The following XIRP2 variants were observed in gnomAD, a reference collection of about 807,000 sequenced individuals.
XIRP2 encodes xin actin binding repeat containing 2.
Under a neutral mutation model 277.0 loss-of-function variants are expected in XIRP2, and 236 were observed. The observed-to-expected ratio is 0.85, with a 90% confidence interval of 0.77 to 0.95. The LOEUF (loss-of-function observed/expected upper bound fraction) is 0.95, where lower values mean the gene tolerates loss of function less well. XIRP2 is among the 40% of genes least tolerant of loss of function. XIRP2 has a pLI of 0.00. For synonymous variants in XIRP2, 1,490 were observed against 1,416.5 expected (o/e 1.05, Z -1.17); for missense variants, 4,640 against 4,157.5 (o/e 1.12, Z -3.19).
Position 166,910,203 on chromosome 2 carries a change from G to T in XIRP2, c.408+6313G>T, listed in dbSNP as rs565285614. ...GAAGGAATGGTACCAGCTTCTCCTT[G>T]TACCTCTGGTAGAATTCAGCTGTGA... On this transcript the variant is annotated intron_variant, in intron 2 of 10. Transcript: ENST00000409195. Among the ~76,000 whole-genome samples, 6 of 152,266 alleles carry T rather than the reference G, an allele frequency of 3.9e-5. No homozygotes were observed. The East Asian group carries it at 9.6e-4, about 24-fold the overall frequency.
intron 2 of XIRP2, among the ~76,000 whole-genome samples, chr2:167,063,963 A>G (rs1240636944): frequency 2.0e-5 from 3 of 151,704 alleles, no homozygotes; most frequent in Non-Finnish European, 4.4e-5. Flanking sequence ...TTAGTGTACT[A>G]TCAATGATTA....
chr2:167,231,157 C>G (rs1694737745), intron 5 of XIRP2, among the ~76,000 whole-genome samples: 1 of 151,974 alleles, frequency 6.6e-6, no homozygotes, highest in South Asian at 2.1e-4. Context: ...CAAGCCAGAT[C>G]TGTTTTATTA....
At chr2:167,061,647 C>A (rs1459516324) in intron 2 of XIRP2, among the ~76,000 whole-genome samples, 2 of 151,792 alleles carry the variant, frequency 1.3e-5, no homozygotes, top group East Asian at 1.9e-4. Flanking sequence ...TTAGAGTAGA[C>A]CTTATTACAA....
At chr2:166,912,705 T>A (rs1371936043) in intron 2 of XIRP2, among the ~76,000 whole-genome samples, 1 of 152,212 alleles carries the variant, frequency 6.6e-6, no homozygotes, top group African/African-American at 2.4e-5. Flanking sequence ...AATTTTCAGC[T>A]TTTCTGCTGT....
chr2:167,253,381 A>G (rs1695569680), intron 9 of XIRP2, among the ~76,000 whole-genome samples: 1 of 151,288 alleles, frequency 6.6e-6, no homozygotes. Flanking sequence ...AAAAAGCTCC[A>G]CAATCTAAAG....
At chr2:166,949,013 T>TC (rs1008192355) in intron 2 of XIRP2, among the ~76,000 whole-genome samples, 19 of 151,966 alleles carry the variant, frequency 1.3e-4, no homozygotes, top group African/African-American at 4.1e-4. Flanking sequence ...GTGTTTTTTT[T>TC]CTCTCTAAAT....
intron 3 of XIRP2, among the ~76,000 whole-genome samples, chr2:167,189,874 C>A (rs1442277271): frequency 6.6e-6 from 1 of 152,168 alleles, no homozygotes; most frequent in Non-Finnish European, 1.5e-5. Context: ...ATGAGGCTGT[C>A]CACTTCACAA....
At chr2:167,028,403 A>T (rs1688234245) in intron 2 of XIRP2, among the ~76,000 whole-genome samples, 1 of 152,030 alleles carries the variant, frequency 6.6e-6, no homozygotes, top group Admixed American at 6.6e-5. Context: ...GAAGAGAGCA[A>T]AAGTGTCTGC....
At chr2:167,117,173 G>A (rs1321698279) in intron 2 of XIRP2, among the ~76,000 whole-genome samples, 1 of 151,856 alleles carries the variant, frequency 6.6e-6, no homozygotes, top group Non-Finnish European at 1.5e-5. Flanking sequence ...TTTGGAAATG[G>A]CAGATAACTA....
rs142152123 is a variant in XIRP2, at chr2:167,230,325, T to A, written c.859-9530T>A. Among the ~76,000 whole-genome samples, 239 of 152,198 alleles carry A rather than the reference T, an allele frequency of 1.6e-3. 4 individuals carry two copies. In the East Asian group the frequency reaches 0.021, roughly 13 times the overall value. On this transcript the variant is annotated intron_variant, in intron 5 of 10. Transcript: ENST00000409195. The stretch of plus-strand genomic sequence containing the variant: ...TACCATAAACACTTTGTATCATCAT[T>A]CTAACACTGTAAACAAATAACCCCC...
At chr2:167,156,279 C>T (rs1339999924) in intron 3 of XIRP2, among the ~76,000 whole-genome samples, 2 of 152,062 alleles carry the variant, frequency 1.3e-5, no homozygotes, top group Non-Finnish European at 2.9e-5. Flanking sequence ...AAAAAGAGCC[C>T]GCATTGCCAA....
chr2:167,231,870 G>T lies in XIRP2; in HGVS notation c.859-7985G>T, dbSNP rs113878383. Among the ~76,000 whole-genome samples the T allele has an allele frequency of 6.6e-5, 10 of 152,092 alleles. 1 individual carries two copies. The highest frequency in any genetic ancestry group is 2.4e-4 in the African/African-American group (10 of 41,548). ...GAAGCAACATCCAGTACACACTATT[G>T]ATAGCATTGTCAGTGAATGTGTCTG... On this transcript the variant is annotated intron_variant, in intron 5 of 10. Transcript: ENST00000409195.
chr2:166,905,050 A>G (rs1398213831), intron 2 of XIRP2, among the ~76,000 whole-genome samples: 1 of 152,044 alleles, frequency 6.6e-6, no homozygotes, highest in Non-Finnish European at 1.5e-5. Flanking sequence ...TGTAGAGACT[A>G]CAGAATCTCT....
At chr2:167,128,202 C>T (rs1691265025) in intron 2 of XIRP2, among the ~76,000 whole-genome samples, 1 of 152,212 alleles carries the variant, frequency 6.6e-6, no homozygotes, top group Non-Finnish European at 1.5e-5. Context: ...ATTCTCTTCC[C>T]TCTAGTCCCC....
chr2:167,019,419 A>G (rs894733990), intron 2 of XIRP2, among the ~76,000 whole-genome samples: 2 of 152,074 alleles, frequency 1.3e-5, no homozygotes, highest in African/African-American at 4.8e-5. Context: ...AAGATTATTT[A>G]GAAGGGTGAA....
intron 2 of XIRP2, among the ~76,000 whole-genome samples, chr2:167,034,960 T>C (rs557723648): frequency 2.5e-4 from 38 of 152,292 alleles, no homozygotes; most frequent in African/African-American, 8.7e-4. Context: ...TGATAGTGAA[T>C]AAGTCTCATG....
chr2:167,126,848 T>C (rs1156328746), intron 2 of XIRP2, among the ~76,000 whole-genome samples: 3 of 152,310 alleles, frequency 2.0e-5, no homozygotes, highest in African/African-American at 4.8e-5. Context: ...AAAATGAGAA[T>C]AGCACCTTCC....
chr2:167,208,545 T>C (rs1693925407), intron 3 of XIRP2, among the ~76,000 whole-genome samples: 1 of 152,146 alleles, frequency 6.6e-6, no homozygotes. Flanking sequence ...CCTGACCTCG[T>C]GATCTGCCCG....
At chr2:167,161,284 C>G (rs1421246570) in intron 3 of XIRP2, among the ~76,000 whole-genome samples, 2 of 152,252 alleles carry the variant, frequency 1.3e-5, no homozygotes, top group African/African-American at 4.8e-5. Flanking sequence ...CTTCTCACAA[C>G]TCCACTAGGT....
Sources: gnomAD v4.1 joint callset for allele counts (sites outside exome capture counted in the v4.1 genomes callset) on GRCh38, gnomAD v4.1.1 for gene constraint, MANE v1.5 for transcripts, NCBI Gene and HGNC (gene_info 2026-07-23, HGNC 2026-07-21) for gene names.